The following EGFR variants were observed in gnomAD, a reference collection of about 807,000 sequenced individuals.
EGFR encodes epidermal growth factor receptor.
In EGFR, 58 loss-of-function variants were observed where a neutral mutation model predicts 143.0. The ratio of observed to expected loss-of-function variants is 0.41; its 90% CI spans 0.33 to 0.50. EGFR has a LOEUF of 0.50. Among genes scored for constraint, EGFR ranks in the 20% least tolerant of loss-of-function variants. The pLI is 0.39. For synonymous variants in EGFR, 613 were observed against 594.4 expected (o/e 1.03, Z -0.45); for missense variants, 1,307 against 1,579.0 (o/e 0.83, Z 2.92).
rs539761682 is a variant in EGFR, at chr7:55,151,173, A to G, written c.560-121A>G. On this transcript the variant is annotated intron_variant, in intron 4 of 27. Coordinates refer to ENST00000275493, the MANE Select transcript of EGFR (RefSeq NM_005228.5). The stretch of plus-strand genomic sequence containing the variant: ...CTACAAACCAGCCAGCCAAACAATC[A>G]GAGAATAAGTTGAAAAGATTGTCTT... 22 of 997,986 alleles carry G rather than the reference A, an allele frequency of 2.2e-5. No homozygotes were observed. In the African/African-American group the frequency reaches 3.3e-4, roughly 15 times the overall value. The allele number at this position is 997,986 out of a possible 1,614,324, so 61.8% of individuals were successfully genotyped here.
At chr7:55,110,413 C>T (rs1013199069) in intron 1 of EGFR, among the ~76,000 whole-genome samples, 29 of 152,152 alleles carry the variant, frequency 1.9e-4, no homozygotes, top group Admixed American at 5.9e-4. Context: ...GCCCGGTCTG[C>T]GGGGCGTCCT....
At chr7:55,170,964 A>G (rs981364334) in intron 15 of EGFR, 6 of 1,446,158 alleles carry the variant, frequency 4.1e-6, no homozygotes, top group Non-Finnish European at 4.5e-6. Flanking sequence ...GTCACAGAGT[A>G]GAAACTCAAA....
intron 1 of EGFR, among the ~76,000 whole-genome samples, chr7:55,133,341 G>A (rs908997854): frequency 5.9e-5 from 9 of 152,200 alleles, no homozygotes; most frequent in Admixed American, 5.9e-4. Flanking sequence ...GGGCTGGGCT[G>A]TGCAGTCTGC....
intron 20 of EGFR, among the ~76,000 whole-genome samples, chr7:55,183,403 G>T (rs1786983522): frequency 6.6e-6 from 1 of 152,114 alleles, no homozygotes; most frequent in Non-Finnish European, 1.5e-5. Context: ...TTGCATTTAG[G>T]ACCCACCCTA....
intron 1 of EGFR, among the ~76,000 whole-genome samples, chr7:55,092,439 T>G (rs1791183237): frequency 1.3e-5 from 2 of 152,182 alleles, no homozygotes; most frequent in Non-Finnish European, 1.5e-5. Flanking sequence ...CAGGCTCCAA[T>G]TTCCTGGTGA....
intron 7 of EGFR, 135 bp downstream of exon 7, chr7:55,154,287 G>C: frequency 7.2e-7 from 1 of 1,395,500 alleles, no homozygotes; most frequent in South Asian, 1.2e-5. Context: ...AGGCGACCCT[G>C]TGCCCGTCCA....
intron 1 of EGFR, among the ~76,000 whole-genome samples, chr7:55,084,723 G>A (rs1247166077): frequency 1.3e-5 from 2 of 152,332 alleles, no homozygotes; most frequent in East Asian, 3.9e-4. Context: ...GGCAAATGTG[G>A]ATATTTATCT....
chr7:55,147,919 A>G (rs1282126235), intron 4 of EGFR, among the ~76,000 whole-genome samples: 1 of 152,204 alleles, frequency 6.6e-6, no homozygotes, highest in Non-Finnish European at 1.5e-5. Flanking sequence ...ACCTAGCAAA[A>G]TGTCCCGAAG....
At chr7:55,120,326 C>T (rs1410236962) in intron 1 of EGFR, among the ~76,000 whole-genome samples, 1 of 152,334 alleles carries the variant, frequency 6.6e-6, no homozygotes, top group Middle Eastern at 3.4e-3. Flanking sequence ...TCTCCACTTC[C>T]TGGTACCCTG....
chr7:55,067,810 G>A (rs909639274), intron 1 of EGFR, among the ~76,000 whole-genome samples: 4 of 151,020 alleles, frequency 2.6e-5, no homozygotes, highest in African/African-American at 7.4e-5. Context: ...TTGTGTGTGC[G>A]CGGATGTGCG....
intron 1 of EGFR, among the ~76,000 whole-genome samples, chr7:55,111,230 A>G (rs1421067550): frequency 6.6e-6 from 1 of 152,174 alleles, no homozygotes; most frequent in African/African-American, 2.4e-5. Flanking sequence ...GTGCACTAGA[A>G]CTAAAGTGTT....
chr7:55,046,768 T>A (rs1003314879), intron 1 of EGFR, among the ~76,000 whole-genome samples: 2 of 152,176 alleles, frequency 1.3e-5, no homozygotes, highest in African/African-American at 4.8e-5. Context: ...TTTATTCACA[T>A]TCAGATCACC....
chr7:55,171,128 A>G, intron 15 of EGFR, 47 bp from the exon 16 acceptor site: 3 of 1,613,236 alleles, frequency 1.9e-6, no homozygotes, highest in Non-Finnish European at 2.5e-6. Flanking sequence ...ATATATGCCA[A>G]AGAAGTAGAA....
At chr7:55,181,988 C>G (rs1786900785) in intron 20 of EGFR, 1 of 213,992 alleles carries the variant, frequency 4.7e-6, no homozygotes, top group Non-Finnish European at 9.5e-6. Flanking sequence ...CTAAGTGTCC[C>G]CCTTTCCACA....
chr7:55,210,734 AAT>A lies in EGFR; in HGVS notation c.*5121_*5122del, dbSNP rs1408624288. The A allele has an allele frequency of 6.6e-6, 1 of 152,216 alleles. No homozygotes were observed. The highest frequency in any genetic ancestry group is 1.5e-5 in the Non-Finnish European group (1 of 68,030). The allele number at this position is 152,216 out of a possible 1,614,324, so 9.4% of individuals were successfully genotyped here. Reference sequence around the variant, plus strand: ...TAAACAATGGTTGAAAAGCAAAGGAAATATAAAACAGACACCTCTTTCCATTT... The same window carrying A: ...TAAACAATGGTTGAAAAGCAAAGGAAATAAAACAGACACCTCTTTCCATTT... On this transcript the variant is annotated 3_prime_UTR_variant, in exon 28 of 28. Transcript: ENST00000275493.
intron 1 of EGFR, among the ~76,000 whole-genome samples, chr7:55,115,428 T>C (rs78168475): frequency 0.091 from 13,886 of 152,288 alleles, 772 homozygotes; most frequent in Middle Eastern, 0.18. Flanking sequence ...ATGGCTGCTA[T>C]TTTCATGAGT....
intron 1 of EGFR, among the ~76,000 whole-genome samples, chr7:55,033,808 G>C (rs6956366): frequency 0.39 from 59,276 of 152,038 alleles, 12,472 homozygotes; most frequent in East Asian, 0.84. Flanking sequence ...CCCTCACTTT[G>C]CTTCCCTGGT....
chr7:55,203,333 G>A (rs188964478), intron 27 of EGFR, among the ~76,000 whole-genome samples: 1,169 of 115,850 alleles, frequency 0.01, 13 homozygotes, highest in Non-Finnish European at 0.016. Context: ...ATACACACAC[G>A]TATACACACA....
At chr7:55,146,460 C>A in intron 3 of EGFR, 146 bp from the exon 4 acceptor site, 2 of 1,289,640 alleles carry the variant, frequency 1.6e-6, no homozygotes, top group East Asian at 2.5e-5. Context: ...GGCCGCCCCC[C>A]GGGAAGTTCA....
Sources: allele counts gnomAD v4.1 joint callset (sites outside exome capture counted in the v4.1 genomes callset), GRCh38; gene constraint gnomAD v4.1.1; transcripts MANE v1.5; gene names NCBI Gene and HGNC (gene_info 2026-07-23, HGNC 2026-07-21).